SMC6: variants seen among roughly 807,000 people sequenced by gnomAD.
SMC6 encodes the protein structural maintenance of chromosomes protein 6.
A neutral mutation model predicts 142.2 loss-of-function variants in SMC6; 79 were observed. That is an observed-to-expected ratio of 0.56 (90% CI 0.46 to 0.67). SMC6 has a LOEUF of 0.67. SMC6 is among the 30% of genes least tolerant of loss of function. SMC6 has a pLI of 0.00. For missense variants in SMC6, 1,072 were observed against 1,284.0 expected (o/e 0.83, Z 2.52); for synonymous variants, 411 against 412.4 (o/e 1.00, Z 0.04).
chr2:17,744,057 T>G (rs1311036938), intron 3 of SMC6, among the ~76,000 whole-genome samples: 1 of 152,204 alleles, frequency 6.6e-6, no homozygotes, highest in Non-Finnish European at 1.5e-5. Context: ...CAGGTTTTCA[T>G]GTGGACGTAA....
At chr2:17,722,759 T>C (rs1669436657) in intron 9 of SMC6, among the ~76,000 whole-genome samples, 1 of 152,176 alleles carries the variant, frequency 6.6e-6, no homozygotes, top group Non-Finnish European at 1.5e-5. Flanking sequence ...TTCTCATGGC[T>C]TCTATGAGAA....
At chr2:17,713,646 C>G in intron 16 of SMC6, 1 of 397,992 alleles carries the variant, frequency 2.5e-6, no homozygotes, top group Non-Finnish European at 5.3e-6. Context: ...CAGCTAGTCA[C>G]TCTAACCAGA....
At chr2:17,713,307 T>C in intron 16 of SMC6, 1 of 336,014 alleles carries the variant, frequency 3.0e-6, no homozygotes, top group Admixed American at 4.0e-5. Flanking sequence ...CTCATTCTCC[T>C]TGGTAGCCAA....
At chr2:17,720,108 C>T (rs1669295966) in intron 11 of SMC6, among the ~76,000 whole-genome samples, 2 of 152,172 alleles carry the variant, frequency 1.3e-5, no homozygotes, top group Non-Finnish European at 2.9e-5. Context: ...ACAGTTCTGG[C>T]TGCTCAACCT....
At position 17,743,540 on chromosome 2, in the gene SMC6, C is replaced by A. The variant is rs188764380; in HGVS notation, c.121-1811G>T. On this transcript the variant is annotated intron_variant, in intron 3 of 27. Transcript: ENST00000448223. ...GCATAGTCTCCCTCATTATCAACAT[C>A]CACTATCAGCGTGGTACATGTGTTA... Among the ~76,000 whole-genome samples, 262 of 152,264 alleles carry A rather than the reference C, an allele frequency of 1.7e-3. 1 individual carries two copies. The highest frequency in any genetic ancestry group is 6.2e-3 in the African/African-American group (258 of 41,546).
Position 17,745,970 on chromosome 2 carries a change from T to C in SMC6, c.-5-19A>G. The C allele has an allele frequency of 6.4e-7, 1 of 1,574,290 alleles. No individual in the cohort carries two copies. Among genetic ancestry groups the C allele is most frequent in the Non-Finnish European group, 8.6e-7 (1 of 1,162,090 alleles). ...ATCAGGTCTGAACAAATATTTATAG[T>C]AACAATGAGGTAAATCAAGTTCCAT... is the stretch of plus-strand genomic sequence containing the variant. On this transcript the variant is annotated intron_variant, in intron 2 of 27. Transcript: ENST00000448223.
chr2:17,678,702 T>C (rs144830250), intron 25 of SMC6, among the ~76,000 whole-genome samples, 157 bp downstream of exon 25: 27 of 151,798 alleles, frequency 1.8e-4, no homozygotes, highest in Non-Finnish European at 3.5e-4. Context: ...CTTGAGCCTA[T>C]GAGTTCAAGG....
At chr2:17,725,828 C>T (rs186341256) in intron 8 of SMC6, among the ~76,000 whole-genome samples, 3 of 152,082 alleles carry the variant, frequency 2.0e-5, no homozygotes, top group Admixed American at 6.5e-5. Flanking sequence ...TGGCTCACAC[C>T]GGTAATCCCA....
At chr2:17,723,072 A>G (rs1669452544) in intron 9 of SMC6, among the ~76,000 whole-genome samples, 1 of 151,966 alleles carries the variant, frequency 6.6e-6, no homozygotes, top group South Asian at 2.1e-4. Context: ...CTATCTCAAT[A>G]AACTTACTGT....
At chr2:17,739,630 G>A (rs1386943776) in intron 4 of SMC6, among the ~76,000 whole-genome samples, 1 of 151,958 alleles carries the variant, frequency 6.6e-6, no homozygotes, top group African/African-American at 2.4e-5. Context: ...GGGCAATAAA[G>A]CAAGACTCTG....
At chr2:17,740,861 A>AC (rs1188698063) in intron 4 of SMC6, 1 of 229,180 alleles carries the variant, frequency 4.4e-6, no homozygotes, top group African/African-American at 2.8e-5. Flanking sequence ...AAAAAACAAA[A>AC]AACAAAAAAA....
chr2:17,679,710 TC>T (rs1002407933), intron 24 of SMC6: 14 of 152,714 alleles, frequency 9.2e-5, no homozygotes, highest in Admixed American at 2.6e-4. Flanking sequence ...GCTGGATGTG[TC>T]CCCCCTTTTT....
At chr2:17,670,209 G>A (rs1235547663) in intron 26 of SMC6, among the ~76,000 whole-genome samples, 2 of 152,148 alleles carry the variant, frequency 1.3e-5, no homozygotes, top group African/African-American at 4.8e-5. Context: ...GAGAAGAGGA[G>A]GACCCCTCCA....
At chr2:17,733,279 T>C (rs1161580273) in intron 5 of SMC6, among the ~76,000 whole-genome samples, 1 of 152,226 alleles carries the variant, frequency 6.6e-6, no homozygotes, top group Non-Finnish European at 1.5e-5. Flanking sequence ...ACCATCCTTT[T>C]CTGTACAAGT....
At position 17,670,511 on chromosome 2, in the gene SMC6, C is replaced by T. The variant is rs1666704558; in HGVS notation, c.2975G>A (p.Arg992His). The change falls in exon 26 of 28, where the codon CGT (arginine) becomes CAT (histidine). Residue 992 changes from arginine to histidine, a missense_variant. Physicochemically the swap from Arg to His is conservative, Grantham distance 29. Around this residue, in one of 3 missense-constraint regions of SMC6, gnomAD observed 2 missense variants for 18.5 expected, o/e 0.11. Transcript: ENST00000448223. ...NDMRALSGGE[R>H]SFSTVCFILS... is the part of the protein sequence containing the mutation. ...AATAAAACACACTGTGGAGAAAGAACGTTCACCTCCAGACAAGGCTCTCAT... is the reference window on the plus strand; with the variant it reads ...AATAAAACACACTGTGGAGAAAGAATGTTCACCTCCAGACAAGGCTCTCAT... The T allele has an allele frequency of 6.2e-7, 1 of 1,607,182 alleles. No homozygotes were observed.
chr2:17,687,696 T>C (rs974193446), intron 23 of SMC6, among the ~76,000 whole-genome samples: 2 of 152,206 alleles, frequency 1.3e-5, no homozygotes, highest in Non-Finnish European at 2.9e-5. Context: ...CTGAATATAC[T>C]TTTGTTTATG....
At chr2:17,700,450 T>A in intron 20 of SMC6, 72 bp from the exon 21 acceptor site, 1 of 1,251,108 alleles carries the variant, frequency 8.0e-7, no homozygotes, top group Non-Finnish European at 1.1e-6. Flanking sequence ...AACATAAAAA[T>A]AATTCTGAGA....
At position 17,695,308 on chromosome 2, in the gene SMC6, A is replaced by G. The variant is rs1242433955; in HGVS notation, c.2533-11T>C. The G allele has an allele frequency of 6.2e-7, 1 of 1,610,130 alleles. No homozygotes were observed. Among genetic ancestry groups the G allele is most frequent in the Non-Finnish European group, 8.5e-7 (1 of 1,179,006 alleles). On this transcript the variant is annotated splice_polypyrimidine_tract_variant and intron_variant, in intron 22 of 27. Coordinates refer to ENST00000448223, the MANE Select transcript of SMC6 (RefSeq NM_001142286.2). ...TTGTGACATTTTCTCCTAAGAAAGT[A>G]GATGTTTATATCTTTAAAACTCTTC...
chr2:17,752,170 C>G (rs552977741), intron 2 of SMC6, among the ~76,000 whole-genome samples: 14 of 152,266 alleles, frequency 9.2e-5, no homozygotes, highest in Non-Finnish European at 1.5e-4. Context: ...AAAATGACAG[C>G]CCCTCTCTCT....
Sources: gnomAD v4.1 joint callset for allele counts (sites outside exome capture counted in the v4.1 genomes callset) on GRCh38, gnomAD v4.1.1 for gene constraint, gnomAD v4.1.1 regional missense constraint, MANE v1.5 for transcripts, NCBI Gene and HGNC (gene_info 2026-07-23, HGNC 2026-07-21) for gene names.